GALK1: variants seen among roughly 807,000 people sequenced by gnomAD.
GALK1 encodes the protein galactokinase.
GALK1 carries 30 observed loss-of-function variants against 38.6 expected under a neutral mutation model. That is an observed-to-expected ratio of 0.78 (90% CI 0.58 to 1.05). GALK1 has a LOEUF of 1.05. GALK1 is among the 50% of genes least tolerant of loss of function. The probability of loss-of-function intolerance (pLI) is 0.00; values close to 1 mark genes in which losing one functional copy is unlikely to be tolerated. For missense variants in GALK1, 512 were observed against 540.5 expected (o/e 0.95, Z 0.52); for synonymous variants, 240 against 233.6 (o/e 1.03, Z -0.25).
In GALK1 at chr17:75,762,717, C is replaced by T. The variant is rs2143601311; in HGVS notation, c.780G>A (p.Leu260=). Residue 260 remains leucine (L), a synonymous_variant, in exon 5 of 8, where the codon CTG becomes CTA. Coordinates refer to ENST00000588479, the MANE Select transcript of GALK1 (RefSeq NM_000154.2). ...GGCAGTTCTCACCCTCTAGCTCTTC[C>T]AGTTGTACCTCCCGGAGGCTTTCCT... ...LGKESLREVQ[L]EELEAARDLV... is the part of the protein sequence containing the mutation. 1 of 1,613,836 alleles carries T rather than the reference C, an allele frequency of 6.2e-7. No homozygotes were observed. Among genetic ancestry groups the T allele is most frequent in the Non-Finnish European group, 8.5e-7 (1 of 1,180,022 alleles).
chr17:75,754,203 A>G (rs1249457791), downstream of GALK1, among the ~76,000 whole-genome samples: 1 of 152,128 alleles, frequency 6.6e-6, no homozygotes, highest in East Asian at 1.9e-4. Flanking sequence ...CAAATTCAGA[A>G]GTCTGCCCGG....
rs73997615 is a variant in GALK1 at position 75,758,116 on chromosome 17, G to T, written c.1119C>A (p.Gly373=). 1 of 1,612,692 alleles carries T rather than the reference G, an allele frequency of 6.2e-7. No homozygotes were observed. The highest frequency in any genetic ancestry group is 8.5e-7 in the Non-Finnish European group (1 of 1,179,932). ...HAMRHIQEHY[G]GTATFYLSQA... ...GAGAGAGGTAGAAGGTGGCAGTCCC[G>T]CCGTAGTGCTCCTGTAAGAGGCGGG... Residue 373 remains glycine (G), a synonymous_variant, in exon 8 of 8, where the codon GGC becomes GGA. Coordinates refer to ENST00000588479, the MANE Select transcript of GALK1 (RefSeq NM_000154.2).
At position 75,752,614 on chromosome 17, in the gene GALK1, G is replaced by A. The variant is rs1431331844; in HGVS notation, c.*23-877C>T. 1.9e-6 allele frequency: 3 copies of A among 1,612,262 alleles called. No individual in the cohort carries two copies. The South Asian group carries it at 3.3e-5, about 18-fold the overall frequency. On this transcript the variant is annotated intron_variant, in intron 8 of 8. Transcript: ENST00000225614. The stretch of plus-strand genomic sequence containing the variant: ...CCTGGGACCCACAAGAGGACAGTGG[G>A]GGTCTTGGGTACAGAGTGAGTCCAC...
chr17:75,752,923 C>T (rs1044152431), downstream of GALK1, among the ~76,000 whole-genome samples: 3 of 152,150 alleles, frequency 2.0e-5, no homozygotes, highest in African/African-American at 4.8e-5. Flanking sequence ...AGCCACCAGG[C>T]GGCCACCTGG....
At chr17:75,756,472 G>A (rs775475841), downstream of GALK1, 33 of 1,613,166 alleles carry the variant, frequency 2.0e-5, no homozygotes, top group Admixed American at 2.5e-4. Context: ...CCCAGACCTC[G>A]GTGGTGGTGG....
chr17:75,755,449 C>T (rs944914901), downstream of GALK1, among the ~76,000 whole-genome samples: 1 of 152,098 alleles, frequency 6.6e-6, no homozygotes, highest in Non-Finnish European at 1.5e-5. Flanking sequence ...GCCAGCTGAG[C>T]AGTTGAGGGG....
chr17:75,758,317 C>T lies in GALK1; in HGVS notation c.1000G>A (p.Ala334Thr), dbSNP rs1367696086. ...CGGCTGCCATAAACCCCAGGCACAG[C>T]AAGCGCAGCCTCCACCAGCTGGTCC... ...ELDQLVEAAL[A>T]VPGVYGSRMT... The change falls in exon 7 of 8, where the codon GCT becomes ACT. Residue 334 changes from alanine (A) to threonine (T), a missense_variant. Physicochemically the swap from Ala to Thr is moderately conservative, Grantham distance 58. Transcript: ENST00000588479. The T allele has an allele frequency of 4.4e-6, 7 of 1,593,802 alleles. No homozygotes were observed. Among genetic ancestry groups the T allele is most frequent in the Non-Finnish European group, 6.0e-6 (7 of 1,171,136 alleles).
At chr17:75,753,147 A>G (rs2061406351), downstream of GALK1, among the ~76,000 whole-genome samples, 2 of 152,358 alleles carry the variant, frequency 1.3e-5, no homozygotes, top group East Asian at 1.9e-4. Flanking sequence ...ACACAGTACC[A>G]TGAGTGGAAA....
downstream of GALK1, chr17:75,754,991 C>A: frequency 6.5e-7 from 1 of 1,539,240 alleles, no homozygotes; most frequent in Non-Finnish European, 8.9e-7. Context: ...GACATGCATG[C>A]GCACACGTAC....
downstream of GALK1, chr17:75,757,460 C>T (rs1414491529): frequency 1.2e-6 from 2 of 1,612,692 alleles, no homozygotes; most frequent in South Asian, 1.1e-5. Context: ...AGGCGGCTCC[C>T]TCACCCGGCA....
chr17:75,752,049 TTTGCC>T, intron 8 of GALK1: 1 of 1,051,570 alleles, frequency 9.5e-7, no homozygotes, highest in Non-Finnish European at 1.5e-6. Flanking sequence ...AGTGGCTGGC[TTTGCC>T]TTGCTTCCCC....
chr17:75,756,853 G>A, downstream of GALK1: 1 of 1,612,330 alleles, frequency 6.2e-7, no homozygotes, highest in African/African-American at 1.3e-5. Flanking sequence ...GATGGCCCAA[G>A]GAGGAGGTGC....
intron 8 of GALK1, chr17:75,752,498 C>G: frequency 6.2e-7 from 1 of 1,613,728 alleles, no homozygotes; most frequent in South Asian, 1.1e-5. Context: ...GGGAGGACTA[C>G]GACAGCTTCC....
At chr17:75,758,831 G>A (rs2061570987) in intron 5 of GALK1, among the ~76,000 whole-genome samples, 1 of 152,218 alleles carries the variant, frequency 6.6e-6, no homozygotes. Flanking sequence ...GAGCAGTGAG[G>A]GTTGAAACAC....
rs925432764 is a variant in GALK1 at position 75,758,429 on chromosome 17, G to C, written c.944+20C>G. ...GGCCGGCCTGTGCCCGGCAGGAGCG[G>C]GGCGCCCAGAGGGCCTCACCTGAGT... On this transcript the variant is annotated intron_variant, in intron 6 of 7. Transcript: ENST00000588479. 3 of 1,574,838 alleles carry C rather than the reference G, an allele frequency of 1.9e-6. No homozygotes were observed. Among genetic ancestry groups the C allele is most frequent in the Non-Finnish European group, 2.6e-6 (3 of 1,160,978 alleles).
chr17:75,758,098 G>T lies in GALK1; in HGVS notation c.1137C>A (p.Tyr379Ter). 6.2e-7 allele frequency: 1 copy of T among 1,612,232 alleles called. No individual in the cohort carries two copies. The highest frequency in any genetic ancestry group is 8.5e-7 in the Non-Finnish European group (1 of 1,179,898). ...QEHYGGTATF[Y>*]LSQAADGAKV... ...TGGCTCCATCGGCTGCTTGAGAGAG[G>T]TAGAAGGTGGCAGTCCCGCCGTAGT... The change falls in exon 8 of 8, where the codon TAC becomes TAA. Residue 379 changes from tyrosine to a stop codon, truncating the protein, a stop_gained. Transcript: ENST00000588479. LOFTEE classifies it high-confidence loss of function.
intron 8 of GALK1, chr17:75,752,191 A>C: frequency 6.2e-7 from 1 of 1,613,964 alleles, no homozygotes; most frequent in Non-Finnish European, 8.5e-7. Context: ...TGGGCCCATG[A>C]AGAAAGTGCT....
At chr17:75,759,249 G>A (rs984550550) in intron 5 of GALK1, among the ~76,000 whole-genome samples, 1 of 152,038 alleles carries the variant, frequency 6.6e-6, no homozygotes, top group African/African-American at 2.4e-5. Flanking sequence ...CCAACATGGC[G>A]AAACCCCGTC....
downstream of GALK1, chr17:75,754,061 C>G (rs563535727): frequency 3.9e-5 from 24 of 609,862 alleles, no homozygotes; most frequent in African/African-American, 4.6e-4. Flanking sequence ...TGCGCTGCCT[C>G]GGGGGCCCCA....
Sources: allele counts gnomAD v4.1 joint callset (sites outside exome capture counted in the v4.1 genomes callset), GRCh38; gene constraint gnomAD v4.1.1; transcripts MANE v1.5; gene names NCBI Gene and HGNC (gene_info 2026-07-23, HGNC 2026-07-21).